The following DNAJC3 variants were observed in gnomAD, a reference collection of about 807,000 sequenced individuals.
The protein encoded by DNAJC3 is DnaJ heat shock protein family (Hsp40) member C3, also known as dnaJ homolog subfamily C member 3.
In DNAJC3, 38 loss-of-function variants were observed where a neutral mutation model predicts 68.6. The ratio of observed to expected loss-of-function variants is 0.55; its 90% CI spans 0.43 to 0.73. The LOEUF (loss-of-function observed/expected upper bound fraction) is 0.73. Among genes scored for constraint, DNAJC3 ranks in the 30% least tolerant of loss-of-function variants. The probability of loss-of-function intolerance (pLI) is 0.00; values close to 1 mark genes in which losing one functional copy is unlikely to be tolerated. For synonymous variants in DNAJC3, 203 were observed against 204.0 expected, an observed-to-expected ratio of 1.00 and a Z score of 0.04; for missense variants, 526 against 591.9, an observed-to-expected ratio of 0.89 and a Z score of 1.16.
At chr13:95,713,794 T>C (rs1881050048) in intron 2 of DNAJC3, among the ~76,000 whole-genome samples, 2 of 152,210 alleles carry the variant, frequency 1.3e-5, no homozygotes, top group Admixed American at 1.3e-4. Flanking sequence ...TAGCAACCCC[T>C]TCTTCCTTCT....
intron 1 of DNAJC3, among the ~76,000 whole-genome samples, chr13:95,692,025 G>A (rs910229237): frequency 7.9e-5 from 12 of 151,426 alleles, no homozygotes; most frequent in East Asian, 3.9e-4. Context: ...GCTTCAGCTC[G>A]GCATCAGAGG....
intron 9 of DNAJC3, among the ~76,000 whole-genome samples, chr13:95,770,518 G>T (rs1883129108): frequency 6.6e-6 from 1 of 152,164 alleles, no homozygotes; most frequent in Non-Finnish European, 1.5e-5. Flanking sequence ...ATATGTAATA[G>T]ATGCTAAAAA....
chr13:95,773,368 G>T (rs1224192589), intron 9 of DNAJC3, among the ~76,000 whole-genome samples: 2 of 151,384 alleles, frequency 1.3e-5, no homozygotes, highest in Admixed American at 6.6e-5. Context: ...ATGATGTTTT[G>T]CCATGCTGCC....
chr13:95,703,437 A>G (rs1880634019), intron 1 of DNAJC3, among the ~76,000 whole-genome samples: 1 of 152,198 alleles, frequency 6.6e-6, no homozygotes, highest in Non-Finnish European at 1.5e-5. Flanking sequence ...GCACAGTGGA[A>G]AGGACAATTG....
chr13:95,700,983 G>A (rs1880571866), intron 1 of DNAJC3, among the ~76,000 whole-genome samples: 1 of 152,064 alleles, frequency 6.6e-6, no homozygotes, highest in Admixed American at 6.6e-5. Context: ...TTTTTTTAAA[G>A]CCTCATTAAT....
Position 95,760,809 on chromosome 13 carries a change from G to A in DNAJC3, c.848+11G>A. 1 of 1,608,438 alleles carries A rather than the reference G, an allele frequency of 6.2e-7. No individual in the cohort carries two copies. Among genetic ancestry groups the A allele is most frequent in the Non-Finnish European group, 8.5e-7 (1 of 1,177,348 alleles). ...CATCAGAGATGGCAGGTGAGAATAT[G>A]GTTGTTCCAACTGTCCAGCCATTCC... On this transcript the variant is annotated intron_variant, in intron 7 of 11. Coordinates refer to ENST00000602402, the MANE Select transcript of DNAJC3 (RefSeq NM_006260.5).
intron 1 of DNAJC3, among the ~76,000 whole-genome samples, chr13:95,696,751 G>GTTT (rs1236225284): frequency 6.9e-6 from 1 of 144,550 alleles, no homozygotes. Flanking sequence ...TGTGTCTTGT[G>GTTT]TTTTTTTTTT....
At chr13:95,682,918 T>C (rs1331738123) in intron 1 of DNAJC3, among the ~76,000 whole-genome samples, 1 of 152,220 alleles carries the variant, frequency 6.6e-6, no homozygotes. Flanking sequence ...TCAACAAATA[T>C]TGCATACCCA....
rs1307063735 is a variant in DNAJC3 at position 95,792,743 on chromosome 13, G to T, written c.*1713G>T. 2.0e-5 allele frequency: 3 copies of T among 152,178 alleles called. No homozygotes were observed. The highest frequency in any genetic ancestry group is 6.5e-5 in the Admixed American group (1 of 15,276). The allele number at this position is 152,178 out of a possible 1,614,324, so 9.4% of individuals were successfully genotyped here. A position where few individuals can be genotyped will look rare whatever the true frequency, so the allele number is the denominator to read the frequency against. On this transcript the variant is annotated 3_prime_UTR_variant, in exon 12 of 12. Transcript: ENST00000602402. ...ATTTTGCTTTAATGTTTCAATTCAA[G>T]CCGGTGTAAAAATAATTTCCAAGGC...
At chr13:95,709,905 C>T (rs1376021129) in intron 2 of DNAJC3, among the ~76,000 whole-genome samples, 1 of 152,176 alleles carries the variant, frequency 6.6e-6, no homozygotes, top group Non-Finnish European at 1.5e-5. Context: ...TCCCAAAGTG[C>T]TGGGATTACA....
chr13:95,750,813 A>G (rs897109713), intron 4 of DNAJC3, among the ~76,000 whole-genome samples: 3 of 151,902 alleles, frequency 2.0e-5, no homozygotes, highest in Non-Finnish European at 2.9e-5. Flanking sequence ...ACCTGGCCCA[A>G]TTATTCAATT....
At chr13:95,765,757 T>G (rs1316160942) in intron 9 of DNAJC3, among the ~76,000 whole-genome samples, 1 of 151,608 alleles carries the variant, frequency 6.6e-6, no homozygotes, top group Non-Finnish European at 1.5e-5. Context: ...CTTCTAGTAG[T>G]GATGGGGTTT....
At chr13:95,787,888 A>G (rs1239087157) in intron 11 of DNAJC3, among the ~76,000 whole-genome samples, 1 of 151,832 alleles carries the variant, frequency 6.6e-6, no homozygotes, top group Admixed American at 6.5e-5. Context: ...AATACTGAAC[A>G]ATGCTTTGCT....
chr13:95,696,903 G>A lies in DNAJC3; in HGVS notation c.83-12324G>A, dbSNP rs1049177463. On this transcript the variant is annotated intron_variant, in intron 1 of 11. Transcript: ENST00000602402. ...TGGGACTACAGGCGCCCACCACCGC[G>A]CCTGGCTAATTTTTTGAATTTTTAG... Among the ~76,000 whole-genome samples, 5 of 152,196 alleles carry A rather than the reference G, an allele frequency of 3.3e-5. No homozygotes were observed. In the East Asian group the frequency reaches 5.8e-4, roughly 18 times the overall value.
intron 4 of DNAJC3, among the ~76,000 whole-genome samples, chr13:95,727,328 C>T (rs1459979244): frequency 6.6e-6 from 1 of 152,008 alleles, no homozygotes; most frequent in East Asian, 1.9e-4. Context: ...CTTGGATATG[C>T]CTTGGGTTAA....
intron 4 of DNAJC3, among the ~76,000 whole-genome samples, chr13:95,746,681 T>C (rs547366382): frequency 1.4e-4 from 22 of 152,364 alleles, no homozygotes; most frequent in African/African-American, 4.6e-4. Flanking sequence ...AATGAGCTTT[T>C]TGTGTAATGA....
Position 95,743,369 on chromosome 13 carries a change from G to T in DNAJC3, c.394-14275G>T, listed in dbSNP as rs878946621. ...GAAATCGTTTGACTGGTTACAGCTA[G>T]GCCTTTGCCTTATTTGGATATGGTC... On this transcript the variant is annotated intron_variant, in intron 4 of 11. Coordinates refer to ENST00000602402, the MANE Select transcript of DNAJC3 (RefSeq NM_006260.5). Among the ~76,000 whole-genome samples the T allele has an allele frequency of 4.6e-5, 7 of 152,210 alleles. 1 individual carries two copies. Among genetic ancestry groups the T allele is most frequent in the Admixed American group, 4.6e-4 (7 of 15,278 alleles).
intron 1 of DNAJC3, among the ~76,000 whole-genome samples, chr13:95,708,480 G>C (rs527243317): frequency 1.4e-4 from 22 of 152,234 alleles, no homozygotes; most frequent in African/African-American, 5.1e-4. Flanking sequence ...CCTTTCTCCT[G>C]TTTCTGGAAC....
intron 2 of DNAJC3, among the ~76,000 whole-genome samples, chr13:95,722,839 C>CG (rs1881377021): frequency 2.8e-5 from 1 of 35,264 alleles, no homozygotes; most frequent in Non-Finnish European, 6.8e-5. Flanking sequence ...CCCCCCCCCC[C>CG]GCCGAAAAAG....
Sources: gnomAD v4.1 joint callset for allele counts (sites outside exome capture counted in the v4.1 genomes callset) on GRCh38, gnomAD v4.1.1 for gene constraint, MANE v1.5 for transcripts, NCBI Gene and HGNC (gene_info 2026-07-23, HGNC 2026-07-21) for gene names.